The following IL1RAPL1 variants were observed in gnomAD, a reference collection of about 807,000 sequenced individuals.
The protein encoded by IL1RAPL1 is interleukin 1 receptor accessory protein like 1, also known as interleukin-1 receptor accessory protein-like 1.
Under a neutral mutation model 48.4 loss-of-function variants are expected in IL1RAPL1, and 3 were observed. That is an observed-to-expected ratio of 0.06 (90% CI 0.03 to 0.16). The LOEUF (loss-of-function observed/expected upper bound fraction) is 0.16. Among genes scored for constraint, IL1RAPL1 ranks in the 10% least tolerant of loss-of-function variants. The probability of loss-of-function intolerance (pLI) is 1.00; values close to 1 mark genes in which losing one functional copy is unlikely to be tolerated. For missense variants in IL1RAPL1, 349 were observed against 530.6 expected (o/e 0.66, Z 3.36); for synonymous variants, 185 against 187.7 (o/e 0.99, Z 0.12).
intron 3 of IL1RAPL1, among the ~76,000 whole-genome samples, chrX:29,300,399 GA>G (rs1932515103): frequency 1.8e-5 from 2 of 112,135 alleles, no homozygotes; most frequent in Admixed American, 1.9e-4. Flanking sequence ...TCAGGAGATT[GA>G]ATATAAAGGA....
rs180823646 is a variant in IL1RAPL1, at chrX:29,066,123, G to T, written c.83-216815G>T. Among the ~76,000 whole-genome samples, 3 of 111,929 alleles carry T rather than the reference G, an allele frequency of 2.7e-5. No homozygotes were observed. The East Asian group carries it at 8.4e-4, about 31-fold the overall frequency. On this transcript the variant is annotated intron_variant, in intron 2 of 10. Transcript: ENST00000378993. ...TGTGTCTTTTTTCTTATTGAAAAAT[G>T]GACATTTTAGATACTTTATTATAGC... is the stretch of plus-strand genomic sequence containing the variant.
At chrX:29,418,875 T>G (rs1227227933) in intron 5 of IL1RAPL1, among the ~76,000 whole-genome samples, 2 of 112,363 alleles carry the variant, frequency 1.8e-5, no homozygotes, top group African/African-American at 6.5e-5. Flanking sequence ...TTGAGTTAAA[T>G]AAACCCAATA....
At chrX:29,138,790 A>G (rs745306561) in intron 2 of IL1RAPL1, among the ~76,000 whole-genome samples, 13 of 108,855 alleles carry the variant, frequency 1.2e-4, no homozygotes, top group African/African-American at 1.7e-4. Flanking sequence ...AAAAAAAAAA[A>G]AAAGAAAGAA....
intron 1 of IL1RAPL1, among the ~76,000 whole-genome samples, chrX:28,741,037 T>G (rs141056115): frequency 2.1e-3 from 241 of 112,170 alleles, no homozygotes; most frequent in African/African-American, 7.4e-3. Flanking sequence ...GAACAATGTT[T>G]TTTTTCTTTT....
chrX:28,801,858 G>A (rs1162225327), intron 2 of IL1RAPL1, among the ~76,000 whole-genome samples: 1 of 111,934 alleles, frequency 8.9e-6, no homozygotes, highest in African/African-American at 3.2e-5. Context: ...TTTTCATAAA[G>A]TTTTGCACTA....
chrX:29,347,579 G>C (rs867980562), intron 3 of IL1RAPL1, among the ~76,000 whole-genome samples: 19 of 108,909 alleles, frequency 1.7e-4, no homozygotes, highest in Middle Eastern at 4.7e-3. Flanking sequence ...TTGTAGTTAC[G>C]GGGTTTCCCT....
intron 6 of IL1RAPL1, among the ~76,000 whole-genome samples, chrX:29,676,828 C>CA (rs951248948): frequency 5.4e-5 from 6 of 111,523 alleles, no homozygotes; most frequent in Non-Finnish European, 7.5e-5. Context: ...TCATTTTATA[C>CA]AAAAAAATGC....
chrX:29,183,530 G>A (rs1048654973), intron 2 of IL1RAPL1, among the ~76,000 whole-genome samples: 2 of 111,337 alleles, frequency 1.8e-5, no homozygotes, highest in Non-Finnish European at 3.8e-5. Flanking sequence ...TGCCTTTTCA[G>A]TCATCTCCCT....
At chrX:28,638,423 G>GA (rs1934492078) in intron 1 of IL1RAPL1, among the ~76,000 whole-genome samples, 1 of 110,524 alleles carries the variant, frequency 9.0e-6, no homozygotes, top group African/African-American at 3.3e-5. Flanking sequence ...CTGGTCAAGT[G>GA]AAATACCTAC....
chrX:29,419,819 C>A (rs951200594), intron 5 of IL1RAPL1, among the ~76,000 whole-genome samples: 1 of 111,287 alleles, frequency 9.0e-6, no homozygotes, highest in East Asian at 2.8e-4. Flanking sequence ...ATATGTATTT[C>A]TGTACTTTGG....
chrX:29,595,377 A>T (rs1211841489), intron 5 of IL1RAPL1, among the ~76,000 whole-genome samples: 4 of 111,873 alleles, frequency 3.6e-5, no homozygotes, highest in Non-Finnish European at 7.5e-5. Flanking sequence ...TGTTCCCTTT[A>T]TACTACATCC....
intron 6 of IL1RAPL1, among the ~76,000 whole-genome samples, chrX:29,790,644 A>G (rs1030062720): frequency 8.9e-6 from 1 of 111,767 alleles, no homozygotes; most frequent in Admixed American, 9.6e-5. Context: ...CCTTGGTGCT[A>G]TCCTTGGTTT....
chrX:28,969,110 G>A (rs1217252564), intron 2 of IL1RAPL1, among the ~76,000 whole-genome samples: 1 of 112,149 alleles, frequency 8.9e-6, no homozygotes. Flanking sequence ...CTTCAATAAG[G>A]AGGAAGTCTA....
intron 6 of IL1RAPL1, among the ~76,000 whole-genome samples, chrX:29,814,219 G>A (rs1727077228): frequency 1.8e-5 from 2 of 111,655 alleles, no homozygotes; most frequent in South Asian, 3.7e-4. Context: ...CAGTATATAA[G>A]CATTCCCTTG....
intron 5 of IL1RAPL1, among the ~76,000 whole-genome samples, chrX:29,488,646 C>T (rs112129028): frequency 2.2e-4 from 23 of 104,014 alleles, no homozygotes; most frequent in East Asian, 1.2e-3. Context: ...AGGTGGTGCA[C>T]ATATAACTAT....
chrX:29,662,712 G>A (rs1368898876), intron 5 of IL1RAPL1, among the ~76,000 whole-genome samples: 18 of 111,925 alleles, frequency 1.6e-4, no homozygotes, highest in Non-Finnish European at 1.3e-4. Flanking sequence ...TCTTTTGATG[G>A]ATATATTATG....
chrX:29,282,117 C>A, intron 2 of IL1RAPL1, among the ~76,000 whole-genome samples: 1 of 111,778 alleles, frequency 8.9e-6, no homozygotes, highest in Non-Finnish European at 1.9e-5. Context: ...TCTCCACGTA[C>A]TGTCATATTG....
chrX:29,183,859 G>A (rs1174399457), intron 2 of IL1RAPL1, among the ~76,000 whole-genome samples: 1 of 111,355 alleles, frequency 9.0e-6, no homozygotes, highest in African/African-American at 3.3e-5. Flanking sequence ...AGGCCCAGCT[G>A]ATTTTTGTAT....
At chrX:29,080,647 CAT>C (rs1053872230) in intron 2 of IL1RAPL1, among the ~76,000 whole-genome samples, 3 of 110,279 alleles carry the variant, frequency 2.7e-5, no homozygotes, top group Admixed American at 9.7e-5. Flanking sequence ...AAAAAAAAGA[CAT>C]ATAAAACAAA....
Sources: gnomAD v4.1 joint callset for allele counts (sites outside exome capture counted in the v4.1 genomes callset) on GRCh38, gnomAD v4.1.1 for gene constraint, MANE v1.5 for transcripts, NCBI Gene and HGNC (gene_info 2026-07-23, HGNC 2026-07-21) for gene names.